Variants in PCDHA4 observed in about 807,000 individuals in gnomAD.
PCDHA4 encodes the protein protocadherin alpha-4.
Under a neutral mutation model 61.4 loss-of-function variants are expected in PCDHA4, and 49 were observed. The observed-to-expected ratio is 0.80, with a 90% CI of 0.63 to 1.01. The LOEUF is 1.01. PCDHA4 is among the 50% of genes least tolerant of loss of function. The pLI is 0.00. For synonymous variants in PCDHA4, 590 were observed against 550.3 expected (o/e 1.07, Z -1.01); for missense variants, 1,254 against 1,235.8 (o/e 1.01, Z -0.22).
intron 1 of PCDHA4, among the ~76,000 whole-genome samples, chr5:140,931,140 G>C (rs1176305397): frequency 6.6e-6 from 1 of 152,070 alleles, no homozygotes; most frequent in African/African-American, 2.4e-5. Context: ...TATTTGCAGT[G>C]GATACTATTT....
At chr5:140,921,244 A>G (rs1167584267) in intron 1 of PCDHA4, among the ~76,000 whole-genome samples, 1 of 152,180 alleles carries the variant, frequency 6.6e-6, no homozygotes, top group African/African-American at 2.4e-5. Flanking sequence ...TAAGCCACAG[A>G]TCAAAAAGTC....
intron 1 of PCDHA4, chr5:140,869,061 G>A: frequency 6.4e-7 from 1 of 1,558,266 alleles, no homozygotes; most frequent in South Asian, 1.2e-5. Flanking sequence ...ATCTGGTACT[G>A]TAAGTGTAAA....
At chr5:140,911,845 A>G (rs1184698013) in intron 1 of PCDHA4, among the ~76,000 whole-genome samples, 2 of 152,216 alleles carry the variant, frequency 1.3e-5, no homozygotes, top group Non-Finnish European at 2.9e-5. Context: ...AAAGAACTCC[A>G]TCCTTAATAG....
intron 1 of PCDHA4, chr5:140,864,182 TA>T: frequency 6.6e-6 from 1 of 152,352 alleles, no homozygotes; most frequent in East Asian, 1.9e-4. Context: ...TCATGATGAA[TA>T]ATGATCCTTA....
chr5:140,847,846 ACT>A (rs2150404625), intron 1 of PCDHA4: 1 of 149,820 alleles, frequency 6.7e-6, no homozygotes, highest in Non-Finnish European at 1.5e-5. Flanking sequence ...GTTGGTTGCT[ACT>A]TTTTGTTGAT....
At chr5:140,824,106 G>C (rs2150132209) in intron 1 of PCDHA4, 6 of 1,614,086 alleles carry the variant, frequency 3.7e-6, no homozygotes, top group South Asian at 1.1e-5. Flanking sequence ...GCCTTCCTCA[G>C]GGTCCCACCT....
At chr5:140,854,178 A>AATT in intron 1 of PCDHA4, 6 of 531,176 alleles carry the variant, frequency 1.1e-5, no homozygotes, top group Non-Finnish European at 1.2e-5. Context: ...AAAAAAAAAG[A>AATT]GTAGTTTAAC....
At chr5:140,895,880 C>T (rs564030159) in intron 1 of PCDHA4, among the ~76,000 whole-genome samples, 4 of 152,240 alleles carry the variant, frequency 2.6e-5, no homozygotes, top group East Asian at 3.9e-4. Flanking sequence ...GGCGCGATCT[C>T]GGCTCACTGC....
intron 1 of PCDHA4, among the ~76,000 whole-genome samples, chr5:140,892,029 T>C (rs954107632): frequency 2.0e-4 from 30 of 152,336 alleles, no homozygotes; most frequent in Middle Eastern, 6.8e-3. Context: ...TGGTCTAAGA[T>C]ACTTTTATTT....
chr5:140,819,829 G>T (rs1766633289), intron 1 of PCDHA4, among the ~76,000 whole-genome samples: 1 of 152,078 alleles, frequency 6.6e-6, no homozygotes, highest in Admixed American at 6.5e-5. Context: ...AACTGATATT[G>T]TTGATGACTT....
chr5:140,850,154 G>A, intron 1 of PCDHA4: 1 of 1,595,410 alleles, frequency 6.3e-7, no homozygotes, highest in Non-Finnish European at 8.6e-7. Context: ...CGCTGCAGGT[G>A]TTCGTGCTGG....
At chr5:140,916,279 C>T (rs2077510203) in intron 1 of PCDHA4, among the ~76,000 whole-genome samples, 1 of 152,228 alleles carries the variant, frequency 6.6e-6, no homozygotes, top group Admixed American at 6.5e-5. Context: ...TGTTGCTCTA[C>T]TCCACGTGGC....
chr5:140,884,204 C>A (rs1410511984), intron 1 of PCDHA4: 1 of 1,613,382 alleles, frequency 6.2e-7, no homozygotes, highest in Non-Finnish European at 8.5e-7. Flanking sequence ...GCCGCACCAC[C>A]GCCTTCTGGT....
chr5:140,981,787 T>C (rs2096951436), intron 2 of PCDHA4, among the ~76,000 whole-genome samples: 1 of 152,116 alleles, frequency 6.6e-6, no homozygotes, highest in Non-Finnish European at 1.5e-5. Flanking sequence ...CCATGTTCTC[T>C]TTTCCCTTGA....
chr5:140,868,937 C>T (rs2050742656), intron 1 of PCDHA4: 1 of 1,209,168 alleles, frequency 8.3e-7, no homozygotes, highest in East Asian at 2.5e-5. Flanking sequence ...AAAGGTTGGT[C>T]TGAACAGTGA....
intron 1 of PCDHA4, chr5:140,823,801 A>G: frequency 1.2e-6 from 2 of 1,613,744 alleles, no homozygotes; most frequent in African/African-American, 1.3e-5. Flanking sequence ...CCAGGCGCCG[A>G]AGGCCTCATC....
At chr5:140,859,490 G>A (rs2045887766) in intron 1 of PCDHA4, 1 of 204,502 alleles carries the variant, frequency 4.9e-6, no homozygotes, top group Non-Finnish European at 9.6e-6. Context: ...CCTGAAATTG[G>A]TTGTTACCTG....
intron 1 of PCDHA4, among the ~76,000 whole-genome samples, chr5:140,820,111 G>A (rs1766687822): frequency 6.6e-6 from 1 of 151,836 alleles, no homozygotes; most frequent in South Asian, 2.1e-4. Context: ...ATTTTCTTAT[G>A]TTTTTAACCA....
chr5:140,889,409 A>C (rs1448554315), intron 1 of PCDHA4, among the ~76,000 whole-genome samples: 5 of 152,024 alleles, frequency 3.3e-5, no homozygotes, highest in African/African-American at 1.2e-4. Context: ...TACTCGAGTC[A>C]GTTACGTAGA....
Sources: gnomAD v4.1 joint callset for allele counts (sites outside exome capture counted in the v4.1 genomes callset) on GRCh38, gnomAD v4.1.1 for gene constraint, MANE v1.5 for transcripts, NCBI Gene and HGNC (gene_info 2026-07-23, HGNC 2026-07-21) for gene names.